Variants in PPARGC1A observed in about 807,000 individuals in gnomAD.
The protein encoded by PPARGC1A is peroxisome proliferator-activated receptor gamma coactivator 1-alpha.
Under a neutral mutation model 88.7 loss-of-function variants are expected in PPARGC1A, and 25 were observed. The observed-to-expected ratio is 0.28, with a 90% CI of 0.21 to 0.39. The LOEUF (loss-of-function observed/expected upper bound fraction) is 0.39, where lower values mean the gene tolerates loss of function less well. PPARGC1A is among the 10% of genes least tolerant of loss of function. The probability of loss-of-function intolerance (pLI) is 1.00; values close to 1 mark genes in which losing one functional copy is unlikely to be tolerated. For missense variants in PPARGC1A, 880 were observed against 968.7 expected (o/e 0.91, Z 1.22); for synonymous variants, 363 against 355.6 (o/e 1.02, Z -0.24).
the PPARGC1A span, among the ~76,000 whole-genome samples, chr4:24,387,766 G>GAAACAA: frequency 1.9e-5 from 1 of 52,050 alleles, no homozygotes; most frequent in East Asian, 5.1e-4. Flanking sequence ...GAGAGAGAGA[G>GAAACAA]AGAAAGAAAG....
chr4:24,395,735 G>A, the PPARGC1A span, among the ~76,000 whole-genome samples: 1 of 152,116 alleles, frequency 6.6e-6, no homozygotes, highest in African/African-American at 2.4e-5. Flanking sequence ...GACAGGCATT[G>A]CTGTTCCAAC....
chr4:23,878,455 C>T (rs1384012617), intron 2 of PPARGC1A, among the ~76,000 whole-genome samples: 1 of 151,976 alleles, frequency 6.6e-6, no homozygotes, highest in Non-Finnish European at 1.5e-5. Context: ...GTCACGTAAC[C>T]TGCATCCTGT....
chr4:24,027,943 T>C, the PPARGC1A span, among the ~76,000 whole-genome samples: 1 of 152,164 alleles, frequency 6.6e-6, no homozygotes, highest in Non-Finnish European at 1.5e-5. Flanking sequence ...GCATTTTATA[T>C]ATTAATGCAT....
chr4:24,021,335 C>T, the PPARGC1A span, among the ~76,000 whole-genome samples: 886 of 152,288 alleles, frequency 5.8e-3, 41 homozygotes, highest in East Asian at 0.096. Context: ...CCAAAGCCCA[C>T]GGCTAAGAAG....
chr4:24,028,981 A>G, the PPARGC1A span, among the ~76,000 whole-genome samples: 1 of 152,228 alleles, frequency 6.6e-6, no homozygotes, highest in East Asian at 1.9e-4. Context: ...AGGAAAAAAG[A>G]GGAAGAGAGG....
intron 12 of PPARGC1A, among the ~76,000 whole-genome samples, chr4:23,800,660 T>C (rs1234605141): frequency 7.9e-5 from 12 of 151,350 alleles, no homozygotes; most frequent in African/African-American, 2.7e-4. Flanking sequence ...TGAGACAAAA[T>C]ACTGGAAGGC....
At chr4:23,912,450 G>A in the PPARGC1A span, among the ~76,000 whole-genome samples, 12 of 152,112 alleles carry the variant, frequency 7.9e-5, no homozygotes, top group African/African-American at 1.2e-4. Flanking sequence ...AATTTGGCTC[G>A]GCTATGGTGC....
chr4:23,872,047 A>T (rs188299795), intron 2 of PPARGC1A, among the ~76,000 whole-genome samples: 1 of 152,272 alleles, frequency 6.6e-6, no homozygotes, highest in Admixed American at 6.5e-5. Flanking sequence ...AGGAGCTATC[A>T]CTTAGAGATG....
At chr4:23,797,360 A>G (rs2109311591) in intron 12 of PPARGC1A, among the ~76,000 whole-genome samples, 1 of 151,782 alleles carries the variant, frequency 6.6e-6, no homozygotes, top group East Asian at 1.9e-4. Flanking sequence ...GTAGAGACAA[A>G]AAAAAAAATG....
At chr4:24,136,465 C>T in the PPARGC1A span, among the ~76,000 whole-genome samples, 6 of 152,200 alleles carry the variant, frequency 3.9e-5, no homozygotes, top group Admixed American at 3.9e-4. Context: ...CAACCCTCTC[C>T]GAAAGTCACG....
chr4:23,900,012 C>A (rs1328783298), upstream of PPARGC1A, among the ~76,000 whole-genome samples: 1 of 147,938 alleles, frequency 6.8e-6, no homozygotes. Flanking sequence ...GCTGCCTGTC[C>A]AAAAAAAAAA....
chr4:24,303,811 C>CTGTTCGTTT, the PPARGC1A span, among the ~76,000 whole-genome samples: 1 of 152,160 alleles, frequency 6.6e-6, no homozygotes, highest in Non-Finnish European at 1.5e-5. Flanking sequence ...AAATTGGTTG[C>CTGTTCGTTT]TGTTCGTTTC....
At chr4:24,010,687 T>G in the PPARGC1A span, among the ~76,000 whole-genome samples, 1 of 152,226 alleles carries the variant, frequency 6.6e-6, no homozygotes, top group East Asian at 1.9e-4. Context: ...ACACATTTTC[T>G]GATCACAGGG....
chr4:24,173,752 C>G, the PPARGC1A span, among the ~76,000 whole-genome samples: 1 of 152,218 alleles, frequency 6.6e-6, no homozygotes, highest in Non-Finnish European at 1.5e-5. Flanking sequence ...TAACCAATCT[C>G]CAAGCATCAG....
At chr4:23,915,082 C>T in the PPARGC1A span, among the ~76,000 whole-genome samples, 4,172 of 152,216 alleles carry the variant, frequency 0.027, 168 homozygotes, top group African/African-American at 0.094. Flanking sequence ...GAGACTCCTT[C>T]GAGCTGGAGG....
chr4:24,352,870 G>T, the PPARGC1A span, among the ~76,000 whole-genome samples: 6 of 152,194 alleles, frequency 3.9e-5, no homozygotes, highest in African/African-American at 4.8e-5. Flanking sequence ...GGAACTTAAT[G>T]CTGTAGAGGG....
chr4:23,919,930 C>T, the PPARGC1A span, among the ~76,000 whole-genome samples: 2 of 152,128 alleles, frequency 1.3e-5, no homozygotes, highest in African/African-American at 2.4e-5. Flanking sequence ...GAGGATATAA[C>T]AGAAGCCAGC....
the PPARGC1A span, among the ~76,000 whole-genome samples, chr4:24,083,007 A>G: frequency 1.3e-5 from 2 of 152,188 alleles, no homozygotes; most frequent in South Asian, 2.1e-4. Flanking sequence ...GGATTGGTTT[A>G]TTTGCATTTG....
the PPARGC1A span, among the ~76,000 whole-genome samples, chr4:24,282,555 A>G: frequency 1.4e-4 from 22 of 152,196 alleles, no homozygotes; most frequent in Non-Finnish European, 2.8e-4. Context: ...CTTTATCTGT[A>G]TGGTTAATTC....
Sources: allele counts gnomAD v4.1 joint callset (sites outside exome capture counted in the v4.1 genomes callset), GRCh38; gene constraint gnomAD v4.1.1; transcripts MANE v1.5; gene names NCBI Gene and HGNC (gene_info 2026-07-23, HGNC 2026-07-21).